COG5: variants seen among roughly 807,000 people sequenced by gnomAD.
COG5 encodes conserved oligomeric Golgi complex subunit 5.
A neutral mutation model predicts 110.4 loss-of-function variants in COG5; 86 were observed. The observed-to-expected ratio is 0.78, with a 90% CI of 0.65 to 0.93. COG5 has a LOEUF of 0.93. Among genes scored for constraint, COG5 ranks in the 40% least tolerant of loss-of-function variants. COG5 has a pLI of 0.00. For synonymous variants in COG5, 360 were observed against 334.6 expected (o/e 1.08, Z -0.83); for missense variants, 1,077 against 987.0 (o/e 1.09, Z -1.22).
intron 6 of COG5, among the ~76,000 whole-genome samples, chr7:107,458,986 G>C (rs1474995710): frequency 6.6e-6 from 1 of 151,022 alleles, no homozygotes; most frequent in Non-Finnish European, 1.5e-5. Context: ...CAGCAGAGAA[G>C]GTAAAATGGA....
intron 5 of COG5, among the ~76,000 whole-genome samples, chr7:107,539,161 GC>G (rs1801802409): frequency 6.6e-6 from 1 of 152,084 alleles, no homozygotes; most frequent in African/African-American, 2.4e-5. Context: ...GGTGGTGCGT[GC>G]CTGTTGTCTC....
At chr7:107,209,879 A>G in intron 21 of COG5, 1 of 985,804 alleles carries the variant, frequency 1.0e-6, no homozygotes, top group Non-Finnish European at 1.2e-6. Flanking sequence ...TAAAAATGGG[A>G]ATGTTTGGTG....
At chr7:107,461,804 T>C (rs1189971617) in intron 6 of COG5, among the ~76,000 whole-genome samples, 1 of 152,218 alleles carries the variant, frequency 6.6e-6, no homozygotes, top group Admixed American at 6.5e-5. Flanking sequence ...AAAAATGTTA[T>C]GAGTCTAGCA....
At chr7:107,256,698 T>C (rs1199659346) in intron 16 of COG5, 34 bp downstream of exon 16, 2 of 1,481,384 alleles carry the variant, frequency 1.4e-6, no homozygotes, top group Admixed American at 1.7e-5. Context: ...TAAAACCACT[T>C]TGATCTATAG....
Position 107,210,508 on chromosome 7 carries a change from C to G in COG5, c.2375+18G>C. The G allele has an allele frequency of 4.4e-6, 7 of 1,584,134 alleles. No individual in the cohort carries two copies. Among genetic ancestry groups the G allele is most frequent in the South Asian group, 1.2e-5 (1 of 86,552 alleles). On this transcript the variant is annotated intron_variant, in intron 21 of 21. Transcript: ENST00000297135. ...GGCTTCCAGACCAGATGGGTGCCCCCAGAGCACCTGGCTTTACCTGATGAG... is the reference window on the plus strand; with the variant it reads ...GGCTTCCAGACCAGATGGGTGCCCCGAGAGCACCTGGCTTTACCTGATGAG...
At chr7:107,461,531 C>T (rs1795990607) in intron 6 of COG5, among the ~76,000 whole-genome samples, 1 of 152,118 alleles carries the variant, frequency 6.6e-6, no homozygotes, top group Non-Finnish European at 1.5e-5. Flanking sequence ...GTTATGTCTG[C>T]TCTCACCATT....
At chr7:107,466,917 A>G (rs1430950914) in intron 6 of COG5, among the ~76,000 whole-genome samples, 1 of 152,246 alleles carries the variant, frequency 6.6e-6, no homozygotes, top group Non-Finnish European at 1.5e-5. Context: ...AATATTTCAC[A>G]AAGCTGAGTT....
At chr7:107,261,862 C>G (rs1470833031) in intron 14 of COG5, among the ~76,000 whole-genome samples, 1 of 151,596 alleles carries the variant, frequency 6.6e-6, no homozygotes, top group East Asian at 1.9e-4. Flanking sequence ...TCTGTAAGTA[C>G]ACAGTAGGTA....
chr7:107,519,187 A>G (rs953996427), intron 6 of COG5, among the ~76,000 whole-genome samples: 2 of 152,208 alleles, frequency 1.3e-5, no homozygotes, highest in African/African-American at 4.8e-5. Flanking sequence ...AAATGCCCAC[A>G]GGAGAAAGCA....
rs139186465 is a variant in COG5, at chr7:107,382,627, C to T, written c.670-9867G>A. Among the ~76,000 whole-genome samples the T allele has an allele frequency of 9.8e-3, 1,493 of 152,104 alleles. 16 individuals carry two copies. Among genetic ancestry groups the T allele is most frequent in the Middle Eastern group, 0.027 (8 of 294 alleles). On this transcript the variant is annotated intron_variant, in intron 7 of 21. Transcript: ENST00000297135. ...TAATTTTTTGCATTTTTAGTAAAGA[C>T]GGGGTTTCACCATGTTGGCCAGGCT...
At position 107,296,189 on chromosome 7, in the gene COG5, CTCTT is replaced by C. The variant is rs560580683; in HGVS notation, c.1313+1949_1313+1952del. 8.0e-3 allele frequency among the ~76,000 whole-genome samples: 998 copies of C among 124,494 alleles called. 13 individuals carry two copies. The highest frequency in any genetic ancestry group is 0.028 in the African/African-American group (948 of 34,146). The allele number at this position is 124,494 out of a possible 152,430, so 81.7% of individuals were successfully genotyped here. A position where few individuals can be genotyped will look rare whatever the true frequency, so the allele number is the denominator to read the frequency against. The stretch of plus-strand genomic sequence containing the variant: ...TCTCTCCCTCTCTTTTCTTTTCTTT[CTCTT>C]TCTTTCTTTTTCTTTCTTTCACACA... On this transcript the variant is annotated intron_variant, in intron 12 of 21. Coordinates refer to ENST00000297135, the MANE Select transcript of COG5 (RefSeq NM_006348.5).
Position 107,477,503 on chromosome 7 carries a change from A to G in COG5, c.538+49734T>C, listed in dbSNP as rs114537966. On this transcript the variant is annotated intron_variant, in intron 6 of 21. Transcript: ENST00000297135. ...TAATAAGAAATTAAATAAGAAATAAATGGTAAATATTATATTGCCCTTTAA... is the reference window on the plus strand; with the variant it reads ...TAATAAGAAATTAAATAAGAAATAAGTGGTAAATATTATATTGCCCTTTAA... 5.5e-3 allele frequency among the ~76,000 whole-genome samples: 841 copies of G among 151,856 alleles called. 8 individuals are homozygous for G. The highest frequency in any genetic ancestry group is 0.02 in the African/African-American group (810 of 41,520).
At chr7:107,410,681 A>G (rs1181402376) in intron 7 of COG5, among the ~76,000 whole-genome samples, 2 of 152,110 alleles carry the variant, frequency 1.3e-5, no homozygotes, top group African/African-American at 4.8e-5. Context: ...ACCTTAGGTG[A>G]TCTGCCCGCC....
At chr7:107,484,993 T>C (rs1261942958) in intron 6 of COG5, among the ~76,000 whole-genome samples, 1 of 152,160 alleles carries the variant, frequency 6.6e-6, no homozygotes, top group African/African-American at 2.4e-5. Flanking sequence ...CTAGTACAGT[T>C]ACCTTCTCCT....
At chr7:107,316,147 A>AAG (rs902860045) in intron 11 of COG5, among the ~76,000 whole-genome samples, 8 of 152,220 alleles carry the variant, frequency 5.3e-5, no homozygotes. Flanking sequence ...TTTACATAAA[A>AAG]AGAGAGAGAG....
chr7:107,534,571 G>C (rs932830801), intron 5 of COG5, among the ~76,000 whole-genome samples: 2 of 149,726 alleles, frequency 1.3e-5, no homozygotes, highest in African/African-American at 5.0e-5. Flanking sequence ...AAAAGACAAA[G>C]AAGCCCATTA....
At chr7:107,446,456 A>G (rs796538073) in intron 6 of COG5, among the ~76,000 whole-genome samples, 13 of 152,284 alleles carry the variant, frequency 8.5e-5, no homozygotes, top group African/African-American at 3.1e-4. Flanking sequence ...TGATCCCCCA[A>G]TGATCCCTGC....
At chr7:107,260,304 T>C (rs1803232468) in intron 14 of COG5, among the ~76,000 whole-genome samples, 2 of 152,084 alleles carry the variant, frequency 1.3e-5, no homozygotes, top group African/African-American at 4.8e-5. Flanking sequence ...CATTATTCTA[T>C]GTGAAAAAAC....
chr7:107,385,315 C>T lies in COG5; in HGVS notation c.670-12555G>A, dbSNP rs1289851050. ...CAGCTTCCAGAACTGTGAGAAAATA[C>T]GTTTCTATTGTTTTAAGCCACCCCA... On this transcript the variant is annotated intron_variant, in intron 7 of 21. Transcript: ENST00000297135. 3.3e-5 allele frequency among the ~76,000 whole-genome samples: 5 copies of T among 152,158 alleles called. No homozygotes were observed. In the East Asian group the frequency reaches 5.8e-4, roughly 18 times the overall value.
Sources: gnomAD v4.1 joint callset for allele counts (sites outside exome capture counted in the v4.1 genomes callset) on GRCh38, gnomAD v4.1.1 for gene constraint, MANE v1.5 for transcripts, NCBI Gene and HGNC (gene_info 2026-07-23, HGNC 2026-07-21) for gene names.